The following GABRB1 variants were observed in gnomAD, a reference collection of about 807,000 sequenced individuals.
The protein encoded by GABRB1 is gamma-aminobutyric acid type A receptor subunit beta1, also known as gamma-aminobutyric acid receptor subunit beta-1.
Under a neutral mutation model 51.6 loss-of-function variants are expected in GABRB1, and 17 were observed. The ratio of observed to expected loss-of-function variants is 0.33; its 90% CI spans 0.23 to 0.49. The LOEUF (loss-of-function observed/expected upper bound fraction) is 0.49. GABRB1 is among the 20% of genes least tolerant of loss of function. GABRB1 has a pLI of 0.99. For synonymous variants in GABRB1, 247 were observed against 218.9 expected, an observed-to-expected ratio of 1.13 and a Z score of -1.14; for missense variants, 410 against 600.6, an observed-to-expected ratio of 0.68 and a Z score of 3.32.
At chr4:47,126,134 C>A (rs1337988412) in intron 3 of GABRB1, among the ~76,000 whole-genome samples, 1 of 151,790 alleles carries the variant, frequency 6.6e-6, no homozygotes, top group Non-Finnish European at 1.5e-5. Context: ...CTGACATTTG[C>A]AATAGCATGG....
At chr4:47,201,983 T>G (rs1719915727) in intron 4 of GABRB1, among the ~76,000 whole-genome samples, 1 of 152,126 alleles carries the variant, frequency 6.6e-6, no homozygotes. Context: ...CTGTCCTCCT[T>G]CCACACGAAA....
intron 4 of GABRB1, among the ~76,000 whole-genome samples, chr4:47,165,839 T>C (rs2109745723): frequency 6.6e-6 from 1 of 152,192 alleles, no homozygotes; most frequent in Non-Finnish European, 1.5e-5. Flanking sequence ...AACTGGGCCG[T>C]CCTCCTTTCC....
intron 3 of GABRB1, among the ~76,000 whole-genome samples, chr4:47,092,665 C>T (rs1029135957): frequency 2.0e-5 from 3 of 150,452 alleles, no homozygotes; most frequent in African/African-American, 2.4e-5. Flanking sequence ...AGTGCAGTGG[C>T]GCTCTCTTGG....
chr4:47,098,040 C>T (rs181890132), intron 3 of GABRB1, among the ~76,000 whole-genome samples: 6 of 152,094 alleles, frequency 3.9e-5, no homozygotes, highest in Admixed American at 1.3e-4. Flanking sequence ...GCATATATGC[C>T]GCCTTTCCAC....
intron 4 of GABRB1, among the ~76,000 whole-genome samples, chr4:47,251,232 C>A (rs1361478790): frequency 1.3e-5 from 2 of 152,152 alleles, no homozygotes; most frequent in African/African-American, 4.8e-5. Flanking sequence ...GGTCTAGCCA[C>A]ACAGCAAGTC....
rs1728639123 is a variant in GABRB1 at position 47,408,145 on chromosome 4, G to A, written c.1080+1219G>A. Among the ~76,000 whole-genome samples the A allele has an allele frequency of 2.0e-5, 3 of 152,142 alleles. No homozygotes were observed. The South Asian group carries it at 6.2e-4, about 32-fold the overall frequency. The stretch of plus-strand genomic sequence containing the variant: ...CAGAGTACTGAACAAAAGAGTATTT[G>A]GGTCAGATTTAAGGGAGCAGGACAC... On this transcript the variant is annotated intron_variant, in intron 8 of 8. Coordinates refer to ENST00000295454, the MANE Select transcript of GABRB1 (RefSeq NM_000812.4).
intron 4 of GABRB1, among the ~76,000 whole-genome samples, chr4:47,304,659 A>G (rs930214163): frequency 6.6e-6 from 1 of 152,066 alleles, no homozygotes; most frequent in South Asian, 2.1e-4. Context: ...ACAAATGGAA[A>G]TTAAGCAAAT....
intron 4 of GABRB1, among the ~76,000 whole-genome samples, chr4:47,217,736 G>A (rs894011524): frequency 1.3e-5 from 2 of 150,574 alleles, no homozygotes; most frequent in Non-Finnish European, 3.0e-5. Context: ...ATATTTATGG[G>A]GTTCCATGTG....
At chr4:47,116,593 G>A (rs1428788295) in intron 3 of GABRB1, among the ~76,000 whole-genome samples, 1 of 152,088 alleles carries the variant, frequency 6.6e-6, no homozygotes, top group Non-Finnish European at 1.5e-5. Flanking sequence ...TGTTAAGTTA[G>A]GTGGGAAAAT....
chr4:47,066,852 A>G (rs1002068027), intron 3 of GABRB1, among the ~76,000 whole-genome samples: 1 of 152,202 alleles, frequency 6.6e-6, no homozygotes, highest in Non-Finnish European at 1.5e-5. Context: ...AATGTTCTTA[A>G]TGACATCTAG....
chr4:47,123,291 T>G (rs1715869420), intron 3 of GABRB1, among the ~76,000 whole-genome samples: 1 of 139,746 alleles, frequency 7.2e-6, no homozygotes, highest in African/African-American at 2.6e-5. Context: ...ATATATATGA[T>G]TATATATAAT....
chr4:47,317,381 T>C (rs544368411), intron 4 of GABRB1, among the ~76,000 whole-genome samples: 2 of 151,990 alleles, frequency 1.3e-5, no homozygotes, highest in South Asian at 4.1e-4. Context: ...GGTAAAAGAG[T>C]ATAGCAGACA....
At chr4:47,201,079 C>G (rs567045056) in intron 4 of GABRB1, among the ~76,000 whole-genome samples, 13 of 152,110 alleles carry the variant, frequency 8.5e-5, no homozygotes, top group African/African-American at 3.1e-4. Flanking sequence ...TAAAATATAT[C>G]TGAATGTAAC....
chr4:47,243,756 T>C (rs1721629086), intron 4 of GABRB1, among the ~76,000 whole-genome samples: 2 of 152,236 alleles, frequency 1.3e-5, no homozygotes, highest in Admixed American at 1.3e-4. Context: ...TTTGCTGAAG[T>C]TGCTTATCAG....
intron 4 of GABRB1, among the ~76,000 whole-genome samples, chr4:47,280,039 T>C (rs1285607184): frequency 2.6e-5 from 4 of 152,038 alleles, no homozygotes; most frequent in African/African-American, 7.2e-5. Flanking sequence ...TTGTTAATTG[T>C]TTCTGGTTAA....
At chr4:46,998,498 C>G (rs967068770) in intron 1 of GABRB1, among the ~76,000 whole-genome samples, 1 of 151,822 alleles carries the variant, frequency 6.6e-6, no homozygotes, top group Non-Finnish European at 1.5e-5. Flanking sequence ...TTTGGGAGGC[C>G]GAGGTGGGTG....
At chr4:47,410,530 C>A (rs1435833244) in intron 8 of GABRB1, among the ~76,000 whole-genome samples, 1 of 152,124 alleles carries the variant, frequency 6.6e-6, no homozygotes, top group African/African-American at 2.4e-5. Context: ...TTGTATTGAC[C>A]TGAAGAGTCA....
chr4:47,066,480 T>A (rs1727087965), intron 3 of GABRB1, among the ~76,000 whole-genome samples: 1 of 152,212 alleles, frequency 6.6e-6, no homozygotes, highest in Admixed American at 6.5e-5. Flanking sequence ...GGAGTTAATA[T>A]TTTCAAACCC....
At chr4:47,319,986 T>C (rs1478851916) in intron 4 of GABRB1, 141 bp from the exon 5 acceptor site, 2 of 680,570 alleles carry the variant, frequency 2.9e-6, no homozygotes, top group South Asian at 3.2e-5. Flanking sequence ...GTATAATTAT[T>C]CATAATAGTT....
Sources: gnomAD v4.1 joint callset for allele counts (sites outside exome capture counted in the v4.1 genomes callset) on GRCh38, gnomAD v4.1.1 for gene constraint, MANE v1.5 for transcripts, NCBI Gene and HGNC (gene_info 2026-07-23, HGNC 2026-07-21) for gene names.